SNTB1: variants seen among roughly 807,000 people sequenced by gnomAD.
SNTB1 encodes syntrophin beta 1.
In SNTB1, 36 loss-of-function variants were observed where a neutral mutation model predicts 48.9. The observed-to-expected ratio is 0.74, with a 90% confidence interval of 0.56 to 0.97. SNTB1 has a LOEUF of 0.97. Ranked by LOEUF, SNTB1 falls within the 50% of genes least tolerant of loss-of-function variation. The pLI is 0.00. For synonymous variants in SNTB1, 299 were observed against 294.6 expected, an observed-to-expected ratio of 1.01 and a Z score of -0.15; for missense variants, 786 against 703.4, an observed-to-expected ratio of 1.12 and a Z score of -1.33.
chr8:120,671,411 G>T (rs575220952), intron 2 of SNTB1, among the ~76,000 whole-genome samples: 1 of 152,178 alleles, frequency 6.6e-6, no homozygotes, highest in Non-Finnish European at 1.5e-5. Context: ...AAGAGGAGAG[G>T]ACACACAATG....
intron 4 of SNTB1, among the ~76,000 whole-genome samples, chr8:120,559,914 A>T (rs1815623884): frequency 6.8e-6 from 1 of 146,102 alleles, no homozygotes; most frequent in African/African-American, 2.5e-5. Context: ...CTCCCAGCAG[A>T]TGCCACAATG....
At chr8:120,582,168 T>C (rs901862597) in intron 3 of SNTB1, among the ~76,000 whole-genome samples, 1 of 152,234 alleles carries the variant, frequency 6.6e-6, no homozygotes, top group Non-Finnish European at 1.5e-5. Context: ...TTTAAATGTA[T>C]TCAAGTTAAA....
At chr8:120,639,962 G>C (rs370358991) in intron 2 of SNTB1, among the ~76,000 whole-genome samples, 61,055 of 151,396 alleles carry the variant, frequency 0.4, 13,353 homozygotes, top group Non-Finnish European at 0.49. Flanking sequence ...TGTAAATTAC[G>C]TTGGGCAGTA....
intron 2 of SNTB1, among the ~76,000 whole-genome samples, chr8:120,657,564 CTTATACCTCTCCAAAAATAGGCCACT>C (rs1817523071): frequency 2.0e-5 from 3 of 152,178 alleles, no homozygotes; most frequent in Admixed American, 1.3e-4. Flanking sequence ...AGCATTTTGA[CTTATACCTCTCCAAAAATAGGCCACT>C]TTATCTCCTC....
At chr8:120,721,463 A>G (rs1158085521) in intron 1 of SNTB1, among the ~76,000 whole-genome samples, 4 of 152,184 alleles carry the variant, frequency 2.6e-5, no homozygotes, top group African/African-American at 7.2e-5. Context: ...AATGAAAACA[A>G]GATACTGAGG....
intron 3 of SNTB1, among the ~76,000 whole-genome samples, chr8:120,578,851 G>A (rs1016053034): frequency 6.6e-6 from 1 of 152,184 alleles, no homozygotes; most frequent in African/African-American, 2.4e-5. Flanking sequence ...TGATCTCTCT[G>A]TTCAGATTAA....
intron 1 of SNTB1, among the ~76,000 whole-genome samples, chr8:120,699,665 T>A (rs189620150): frequency 6.6e-6 from 1 of 152,230 alleles, no homozygotes; most frequent in Non-Finnish European, 1.5e-5. Context: ...TTTATAGCGA[T>A]GCAAAATGGA....
rs1317679908 is a variant in SNTB1 at position 120,552,040 on chromosome 8, TC to T, written c.1137-3083del. 6.6e-5 allele frequency among the ~76,000 whole-genome samples: 10 copies of T among 152,218 alleles called. No homozygotes were observed. In the East Asian group the frequency reaches 1.9e-3, roughly 29 times the overall value. On this transcript the variant is annotated intron_variant, in intron 4 of 6. Transcript: ENST00000517992. Reference sequence around the variant, plus strand: ...TTCCATCCAGAGGACATCAACTCTGTCACGATCCAGAGCCAGCATAAATATA... The same window carrying T: ...TTCCATCCAGAGGACATCAACTCTGTACGATCCAGAGCCAGCATAAATATA...
chr8:120,726,133 G>A (rs751806030), intron 1 of SNTB1, among the ~76,000 whole-genome samples: 7 of 152,140 alleles, frequency 4.6e-5, no homozygotes, highest in Non-Finnish European at 7.4e-5. Flanking sequence ...CCATTTGCTG[G>A]TGCCGTATAA....
intron 3 of SNTB1, among the ~76,000 whole-genome samples, chr8:120,601,822 A>G (rs998933727): frequency 6.6e-6 from 1 of 152,204 alleles, no homozygotes; most frequent in African/African-American, 2.4e-5. Context: ...CGCGCATGCC[A>G]ACCTACACGT....
At chr8:120,625,415 A>G (rs752092530) in intron 3 of SNTB1, among the ~76,000 whole-genome samples, 23 of 152,206 alleles carry the variant, frequency 1.5e-4, no homozygotes, top group Non-Finnish European at 2.9e-4. Context: ...TTTGGTGAGA[A>G]CAATTCACTT....
chr8:120,605,746 T>G (rs960069486), intron 3 of SNTB1, among the ~76,000 whole-genome samples: 1 of 152,210 alleles, frequency 6.6e-6, no homozygotes, highest in African/African-American at 2.4e-5. Context: ...AGTGTGAGGT[T>G]GCGCTCTGAC....
At chr8:120,693,505 C>T (rs1424891518) in intron 2 of SNTB1, among the ~76,000 whole-genome samples, 187 bp downstream of exon 2, 1 of 152,188 alleles carries the variant, frequency 6.6e-6, no homozygotes, top group Non-Finnish European at 1.5e-5. Flanking sequence ...TATAGATTCT[C>T]TCTCTCCTCT....
At chr8:120,650,955 T>G (rs368168397) in intron 2 of SNTB1, among the ~76,000 whole-genome samples, 1 of 152,224 alleles carries the variant, frequency 6.6e-6, no homozygotes, top group East Asian at 1.9e-4. Context: ...ATTAGGTAAG[T>G]TACTTAAACT....
intron 2 of SNTB1, among the ~76,000 whole-genome samples, chr8:120,648,501 C>T (rs1241707216): frequency 2.7e-5 from 4 of 148,630 alleles, no homozygotes; most frequent in African/African-American, 9.9e-5. Context: ...GGCCCCCACT[C>T]TCTTCTGGCT....
intron 3 of SNTB1, among the ~76,000 whole-genome samples, chr8:120,589,580 T>C (rs1490836630): frequency 1.3e-5 from 2 of 152,208 alleles, no homozygotes; most frequent in African/African-American, 4.8e-5. Context: ...GTCTGGTAAG[T>C]ACAAAATCAA....
At chr8:120,707,475 A>C (rs1045609006) in intron 1 of SNTB1, among the ~76,000 whole-genome samples, 3 of 152,210 alleles carry the variant, frequency 2.0e-5, no homozygotes, top group Admixed American at 2.0e-4. Flanking sequence ...AGGTTCTATC[A>C]GAGTCAGAAG....
intron 3 of SNTB1, among the ~76,000 whole-genome samples, chr8:120,578,838 C>A (rs1587005030): frequency 6.6e-6 from 1 of 152,240 alleles, no homozygotes; most frequent in Admixed American, 6.5e-5. Context: ...TCTTTAAATT[C>A]AATGATCTCT....
chr8:120,800,344 T>C (rs373715381), intron 1 of SNTB1, among the ~76,000 whole-genome samples: 2 of 152,222 alleles, frequency 1.3e-5, no homozygotes, highest in East Asian at 3.9e-4. Context: ...TGGAAAGTGC[T>C]GAAGGAAAGC....
Sources: gnomAD v4.1 joint callset for allele counts (sites outside exome capture counted in the v4.1 genomes callset) on GRCh38, gnomAD v4.1.1 for gene constraint, MANE v1.5 for transcripts, NCBI Gene and HGNC (gene_info 2026-07-23, HGNC 2026-07-21) for gene names.